The following ANKRD11 variants were observed in gnomAD, a reference collection of about 807,000 sequenced individuals.
The protein encoded by ANKRD11 is ankyrin repeat domain 11, also known as ankyrin repeat domain-containing protein 11.
ANKRD11 carries 17 observed loss-of-function variants against 195.7 expected under a neutral mutation model. The ratio of observed to expected loss-of-function variants is 0.09; its 90% confidence interval spans 0.06 to 0.13. ANKRD11 has a LOEUF of 0.13. Ranked by LOEUF, ANKRD11 falls within the 10% of genes least tolerant of loss-of-function variation. The pLI is 1.00. For missense variants in ANKRD11, 3,735 were observed against 3,566.1 expected, an observed-to-expected ratio of 1.05 and a Z score of -1.21; for synonymous variants, 1,953 against 1,528.1, an observed-to-expected ratio of 1.28 and a Z score of -6.49.
At chr16:89,363,681 G>A (rs887585900) in intron 2 of ANKRD11, among the ~76,000 whole-genome samples, 5 of 152,166 alleles carry the variant, frequency 3.3e-5, no homozygotes, top group African/African-American at 1.2e-4. Flanking sequence ...TGCTTCCCGT[G>A]TATGTGGCCC....
intron 1 of ANKRD11, among the ~76,000 whole-genome samples, chr16:89,487,760 C>A (rs1224357711): frequency 6.6e-6 from 1 of 151,812 alleles, no homozygotes; most frequent in South Asian, 2.1e-4. Context: ...GGCGACAGAG[C>A]GAGACTCCAA....
intron 3 of ANKRD11, among the ~76,000 whole-genome samples, chr16:89,314,776 G>A (rs943249098): frequency 1.1e-4 from 16 of 152,278 alleles, no homozygotes; most frequent in East Asian, 9.7e-4. Flanking sequence ...CAATGCCAGG[G>A]CCAGGATCTC....
intron 2 of ANKRD11, among the ~76,000 whole-genome samples, chr16:89,375,358 A>G (rs1165059825): frequency 6.6e-6 from 1 of 152,230 alleles, no homozygotes; most frequent in Non-Finnish European, 1.5e-5. Context: ...GAAGGCTGAG[A>G]TAAATGGATC....
chr16:89,314,227 C>T (rs2036803217), intron 3 of ANKRD11, among the ~76,000 whole-genome samples: 1 of 152,046 alleles, frequency 6.6e-6, no homozygotes, highest in South Asian at 2.1e-4. Context: ...GCACTCCACC[C>T]TGGGTGACAG....
rs370902072 is a variant in ANKRD11, at chr16:89,285,660, T to C, written c.893-11A>G. Reference sequence around the variant, plus strand: ...CCTCTTCTGAGCTCTCTGTTGGAGGTAGGAAGCGAGAGGTCACAGGCAGGC... The same window carrying C: ...CCTCTTCTGAGCTCTCTGTTGGAGGCAGGAAGCGAGAGGTCACAGGCAGGC... On this transcript the variant is annotated splice_polypyrimidine_tract_variant and intron_variant, in intron 8 of 12. Transcript: ENST00000301030. The surrounding 1 kb of genome is among the most constrained non-coding windows in gnomAD (Gnocchi z 5.6). The C allele has an allele frequency of 3.1e-6, 5 of 1,613,870 alleles. No homozygotes were observed. Among genetic ancestry groups the C allele is most frequent in the South Asian group, 2.2e-5 (2 of 91,072 alleles).
intron 2 of ANKRD11, among the ~76,000 whole-genome samples, chr16:89,397,886 CT>C (rs1244035374): frequency 2.0e-5 from 3 of 152,252 alleles, no homozygotes; most frequent in African/African-American, 7.2e-5. Context: ...GGGCATGGGA[CT>C]CTCCATCCCT....
rs564068098 is a variant in ANKRD11 at position 89,312,831 on chromosome 16, C to T, written c.87+4102G>A. Among the ~76,000 whole-genome samples the T allele has an allele frequency of 2.0e-3, 312 of 152,330 alleles. 1 individual carries two copies. Among genetic ancestry groups the T allele is most frequent in the African/African-American group, 6.8e-3 (281 of 41,580 alleles). ...TGGGACACGCCGAGGCCCAGCCATG[C>T]GCCTCCCAGCTTCTCAGCTAAGGTC... On this transcript the variant is annotated intron_variant, in intron 3 of 12. Transcript: ENST00000301030.
At chr16:89,466,321 G>C (rs2056883135) in intron 1 of ANKRD11, among the ~76,000 whole-genome samples, 1 of 152,194 alleles carries the variant, frequency 6.6e-6, no homozygotes, top group South Asian at 2.1e-4. Context: ...ATAGAAAAGA[G>C]AGTACCAGTT....
intron 1 of ANKRD11, chr16:89,489,041 C>CA (rs1870125149): frequency 6.6e-6 from 1 of 152,152 alleles, no homozygotes; most frequent in African/African-American, 2.4e-5. Context: ...CACTAACCTT[C>CA]CAAAAACACA....
At chr16:89,384,544 T>TGGGATGGGATGGGAATGGGAC (rs2040810198) in intron 2 of ANKRD11, among the ~76,000 whole-genome samples, 1 of 141,740 alleles carries the variant, frequency 7.1e-6, no homozygotes, top group Non-Finnish European at 1.6e-5. Context: ...GGGACTGGGA[T>TGGGATGGGATGGGAATGGGAC]GGGATGGGAT....
At chr16:89,399,288 ACACT>A (rs1269272180) in intron 2 of ANKRD11, among the ~76,000 whole-genome samples, 1 of 152,164 alleles carries the variant, frequency 6.6e-6, no homozygotes, top group Non-Finnish European at 1.5e-5. Context: ...GTGACCCAAG[ACACT>A]CATAGGTGAG....
intron 9 of ANKRD11, among the ~76,000 whole-genome samples, chr16:89,275,504 C>A (rs1156263633): frequency 6.6e-6 from 1 of 152,214 alleles, no homozygotes. Context: ...GGCATGAGCA[C>A]CCAACTGTGC....
chr16:89,275,016 C>G, intron 10 of ANKRD11, 59 bp from the exon 11 acceptor site: 1 of 1,613,002 alleles, frequency 6.2e-7, no homozygotes, highest in South Asian at 1.1e-5. Flanking sequence ...GCCCCACTGT[C>G]AACACGACAG....
Position 89,284,538 on chromosome 16 carries a change from T to C in ANKRD11, c.2004A>G (p.Ser668=). ...TYEYEDSKQK[S]DKAILLENDL... ...CATTCTCTAACAGTATAGCCTTATC[T>C]GACTTCTGCTTGGAGTCCTCATATT... Residue 668 remains serine (S), a synonymous_variant, in exon 9 of 13, where the codon TCA becomes TCG. Transcript: ENST00000301030. 1 of 1,614,190 alleles carries C rather than the reference T, an allele frequency of 6.2e-7. No individual in the cohort carries two copies. Among genetic ancestry groups the C allele is most frequent in the Non-Finnish European group, 8.5e-7 (1 of 1,180,044 alleles).
chr16:89,417,453 C>G (rs529385133), intron 2 of ANKRD11, among the ~76,000 whole-genome samples: 1 of 152,264 alleles, frequency 6.6e-6, no homozygotes, highest in Non-Finnish European at 1.5e-5. Context: ...AGGGAGGACT[C>G]TGCCCTACAG....
Position 89,309,614 on chromosome 16 carries a change from T to A in ANKRD11, c.88-4270A>T, listed in dbSNP as rs946888976. On this transcript the variant is annotated intron_variant, in intron 3 of 12. Transcript: ENST00000301030. The stretch of plus-strand genomic sequence containing the variant: ...GACACGAGGCTTGCCCCGAGCTGCC[T>A]ACAACAGGGAGCGTGGCACAGCCAC... Among the ~76,000 whole-genome samples the A allele has an allele frequency of 3.3e-5, 5 of 152,332 alleles. No individual in the cohort carries two copies. The Middle Eastern group carries it at 0.014, about 415-fold the overall frequency.
At chr16:89,365,218 A>C (rs1270396014) in intron 2 of ANKRD11, among the ~76,000 whole-genome samples, 1 of 152,212 alleles carries the variant, frequency 6.6e-6, no homozygotes, top group Non-Finnish European at 1.5e-5. Flanking sequence ...CAGAAGGGGA[A>C]GTTCCAGAGC....
intron 11 of ANKRD11, among the ~76,000 whole-genome samples, chr16:89,274,344 G>GCC (rs1330590875): frequency 1.3e-5 from 2 of 152,316 alleles, no homozygotes; most frequent in East Asian, 3.9e-4. Flanking sequence ...ACACCTGGGT[G>GCC]CCCGTGTTCC....
At chr16:89,468,816 G>A (rs2056969950) in intron 1 of ANKRD11, among the ~76,000 whole-genome samples, 1 of 152,150 alleles carries the variant, frequency 6.6e-6, no homozygotes, top group African/African-American at 2.4e-5. Flanking sequence ...AAACGTACAG[G>A]GCTCAGCTGA....
Sources: gnomAD v4.1 joint callset for allele counts (sites outside exome capture counted in the v4.1 genomes callset) on GRCh38, gnomAD v4.1.1 for gene constraint, Gnocchi (gnomAD v3.1) non-coding constraint, MANE v1.5 for transcripts, NCBI Gene and HGNC (gene_info 2026-07-23, HGNC 2026-07-21) for gene names.